The following PLCG2 variants were observed in gnomAD, a reference collection of about 807,000 sequenced individuals.
The protein encoded by PLCG2 is 1-phosphatidylinositol 4,5-bisphosphate phosphodiesterase gamma-2.
PLCG2 carries 69 observed loss-of-function variants against 175.6 expected under a neutral mutation model. The observed-to-expected ratio is 0.39, with a 90% CI of 0.32 to 0.48. PLCG2 has a LOEUF of 0.48. Ranked by LOEUF, PLCG2 falls within the 20% of genes least tolerant of loss-of-function variation. The pLI is 0.91. For synonymous variants in PLCG2, 827 were observed against 624.0 expected, an observed-to-expected ratio of 1.33 and a Z score of -4.85; for missense variants, 1,798 against 1,650.9, an observed-to-expected ratio of 1.09 and a Z score of -1.54.
intron 24 of PLCG2, among the ~76,000 whole-genome samples, chr16:81,930,745 C>G (rs1188595777): frequency 3.4e-5 from 1 of 29,400 alleles, no homozygotes; most frequent in East Asian, 1.3e-3. Context: ...GCCACCCTGT[C>G]TCAAAAAAAA....
At chr16:81,843,770 A>T (rs1405089402) in intron 2 of PLCG2, among the ~76,000 whole-genome samples, 1 of 152,230 alleles carries the variant, frequency 6.6e-6, no homozygotes, top group Non-Finnish European at 1.5e-5. Context: ...TTTAAATTGG[A>T]CCCTGGTTGG....
chr16:81,896,072 C>T, intron 13 of PLCG2, 145 bp downstream of exon 13: 1 of 1,020,824 alleles, frequency 9.8e-7, no homozygotes. Flanking sequence ...AAAGCCACTG[C>T]CATCAAGTTC....
chr16:81,805,325 C>T (rs1448952756), intron 2 of PLCG2, among the ~76,000 whole-genome samples: 1 of 151,978 alleles, frequency 6.6e-6, no homozygotes, highest in Non-Finnish European at 1.5e-5. Flanking sequence ...CGGTGAAACT[C>T]TGTCTCTACT....
intron 26 of PLCG2, among the ~76,000 whole-genome samples, chr16:81,934,894 A>T (rs950728350): frequency 2.0e-5 from 3 of 152,142 alleles, no homozygotes; most frequent in Non-Finnish European, 4.4e-5. Context: ...ATCTCGCGAG[A>T]CTTATTCAGT....
chr16:81,769,924 G>C (rs1281522015), intron 2 of PLCG2, among the ~76,000 whole-genome samples: 4 of 151,666 alleles, frequency 2.6e-5, no homozygotes, highest in Non-Finnish European at 5.9e-5. Context: ...ATGCCTCTGA[G>C]CCTCGGTTTT....
chr16:81,897,548 C>CT (rs10710027), intron 13 of PLCG2, among the ~76,000 whole-genome samples: 44,122 of 128,568 alleles, frequency 0.34, 8,808 homozygotes, highest in East Asian at 0.73. Context: ...CTTTTCTTTT[C>CT]TTTTTTTTTT....
chr16:81,921,944 A>C (rs924624228), intron 21 of PLCG2, among the ~76,000 whole-genome samples: 2 of 152,228 alleles, frequency 1.3e-5, no homozygotes, highest in East Asian at 1.9e-4. Context: ...AGTTGTGGGC[A>C]AATTGAGCTG....
chr16:81,807,382 G>A (rs866895512), intron 2 of PLCG2, among the ~76,000 whole-genome samples: 1 of 152,152 alleles, frequency 6.6e-6, no homozygotes, highest in South Asian at 2.1e-4. Flanking sequence ...TCTGCCTTCT[G>A]GATCTGAGAT....
chr16:81,897,745 A>G (rs1420653209), intron 13 of PLCG2: 4 of 424,664 alleles, frequency 9.4e-6, no homozygotes, highest in African/African-American at 2.0e-5. Flanking sequence ...GGGTTTCACT[A>G]TGTTGGCCAG....
At chr16:81,949,835 T>A (rs1020055826) in intron 31 of PLCG2, among the ~76,000 whole-genome samples, 8 of 152,220 alleles carry the variant, frequency 5.3e-5, no homozygotes, top group Admixed American at 5.2e-4. Context: ...AGCAAAGGCA[T>A]GGAAAGGTAA....
At chr16:81,900,854 C>T in intron 14 of PLCG2, 74 bp downstream of exon 14, 9 of 1,399,356 alleles carry the variant, frequency 6.4e-6, no homozygotes, top group Non-Finnish European at 8.9e-6. Flanking sequence ...GGGTCCCGTT[C>T]ACCAAGTTCT....
intron 26 of PLCG2, chr16:81,935,708 G>C: frequency 1.4e-5 from 14 of 985,304 alleles, no homozygotes; most frequent in Non-Finnish European, 1.7e-5. Flanking sequence ...CTCTCCTCCT[G>C]TTCTCCCTTC....
Position 81,858,246 on chromosome 16 carries a change from C to T in PLCG2, c.338-17C>T, listed in dbSNP as rs927380768. 6.4e-7 allele frequency: 1 copy of T among 1,561,236 alleles called. No homozygotes were observed. Among genetic ancestry groups the T allele is most frequent in the Non-Finnish European group, 8.8e-7 (1 of 1,131,706 alleles). Reference sequence around the variant, plus strand: ...CAGGAATTAACACAGCATTTCTGTTCCCTTTCTCCACTCCAGCTGACTCTA... The same window carrying T: ...CAGGAATTAACACAGCATTTCTGTTTCCTTTCTCCACTCCAGCTGACTCTA... On this transcript the variant is annotated splice_polypyrimidine_tract_variant and intron_variant, in intron 3 of 32. Coordinates refer to ENST00000564138, the MANE Select transcript of PLCG2 (RefSeq NM_002661.5).
chr16:81,903,395 G>T (rs1312064807), intron 14 of PLCG2, among the ~76,000 whole-genome samples: 1 of 152,230 alleles, frequency 6.6e-6, no homozygotes, highest in Admixed American at 6.5e-5. Context: ...GGATGTTGGT[G>T]CCCCCATGGG....
intron 5 of PLCG2, among the ~76,000 whole-genome samples, chr16:81,864,419 G>C (rs1046722639): frequency 3.3e-5 from 5 of 152,216 alleles, no homozygotes; most frequent in African/African-American, 9.6e-5. Context: ...GTGGCTAGCA[G>C]CTACTACCTC....
intron 2 of PLCG2, among the ~76,000 whole-genome samples, chr16:81,773,063 C>T (rs1001425609): frequency 6.6e-6 from 1 of 152,204 alleles, no homozygotes; most frequent in Non-Finnish European, 1.5e-5. Context: ...CCTAAATATA[C>T]TGCCAAATGT....
chr16:81,944,367 ATTAT>A (rs1226460172), intron 30 of PLCG2, among the ~76,000 whole-genome samples: 1 of 152,194 alleles, frequency 6.6e-6, no homozygotes, highest in African/African-American at 2.4e-5. Context: ...CAGTATAACG[ATTAT>A]TTACACAGTA....
chr16:81,767,709 A>T (rs1567453868), intron 2 of PLCG2: 1 of 152,156 alleles, frequency 6.6e-6, no homozygotes, highest in Non-Finnish European at 1.5e-5. Context: ...CAATCAAAAT[A>T]TAAAACAATT....
Position 81,854,492 on chromosome 16 carries a change from A to G in PLCG2, c.242A>G (p.Asp81Gly). The G allele has an allele frequency of 6.2e-7, 1 of 1,614,104 alleles. No homozygotes were observed. The highest frequency in any genetic ancestry group is 8.5e-7 in the Non-Finnish European group (1 of 1,179,934). ...KEIRPGKNSK[D>G]FERAKAVRQK... ...ATCCGCCCAGGGAAGAACTCCAAAG[A>G]TTTCGAGCGAGCAAAAGCAGTTCGC... The change falls in exon 3 of 33, where the codon GAT becomes GGT. Residue 81 changes from aspartate (D) to glycine (G), a missense_variant. Asp to Gly is a moderately conservative substitution (Grantham distance 94, BLOSUM62 -1). Coordinates refer to ENST00000564138, the MANE Select transcript of PLCG2 (RefSeq NM_002661.5).
Sources: allele counts gnomAD v4.1 joint callset (sites outside exome capture counted in the v4.1 genomes callset), GRCh38; gene constraint gnomAD v4.1.1; transcripts MANE v1.5; gene names NCBI Gene and HGNC (gene_info 2026-07-23, HGNC 2026-07-21).